Variants in COL17A1 observed in about 807,000 individuals in gnomAD.
The protein encoded by COL17A1 is collagen alpha-1(XVII) chain.
Under a neutral mutation model 218.4 loss-of-function variants are expected in COL17A1, and 181 were observed. The ratio of observed to expected loss-of-function variants is 0.83; its 90% confidence interval spans 0.73 to 0.94. COL17A1 has a LOEUF of 0.94. COL17A1 is among the 40% of genes least tolerant of loss of function. The pLI, the probability that COL17A1 is intolerant of heterozygous loss-of-function variation, is 0.00. For synonymous variants in COL17A1, 721 were observed against 731.0 expected (o/e 0.99, Z 0.22); for missense variants, 1,924 against 1,945.9 (o/e 0.99, Z 0.21).
rs374999066 is a variant in COL17A1, at chr10:104,037,067, T to C, written c.3255A>G (p.Glu1085=). The C allele has an allele frequency of 3.7e-6, 6 of 1,607,264 alleles. No homozygotes were observed. In the African/African-American group the frequency reaches 8.0e-5, roughly 21 times the overall value. Residue 1085 remains glutamate (E), a synonymous_variant, in exon 47 of 56, where the codon GAA becomes GAG. Transcript: ENST00000648076. Reference sequence around the variant, plus strand: ...CACGCTGCAGCACAGCCAGAATGTCTTCAGAAGAGATGGAGGACGAGAACA... The same window carrying C: ...CACGCTGCAGCACAGCCAGAATGTCCTCAGAAGAGATGGAGGACGAGAACA... ...VSLFSSSISS[E]DILAVLQRDD... is the part of the protein sequence containing the mutation.
chr10:104,072,373 C>G (rs952316537), intron 7 of COL17A1, among the ~76,000 whole-genome samples: 5 of 152,196 alleles, frequency 3.3e-5, no homozygotes, highest in African/African-American at 1.2e-4. Flanking sequence ...CAATCCTTTC[C>G]CCATCATCCA....
chr10:104,047,669 G>T, intron 31 of COL17A1, 70 bp downstream of exon 31: 2 of 1,272,302 alleles, frequency 1.6e-6, no homozygotes, highest in Non-Finnish European at 2.3e-6. Context: ...GCACACACAT[G>T]CCTACATCCA....
chr10:104,035,004 C>A (rs2086261237), intron 50 of COL17A1, among the ~76,000 whole-genome samples: 2 of 152,184 alleles, frequency 1.3e-5, no homozygotes, highest in Admixed American at 6.5e-5. Context: ...TTCAACTCAG[C>A]CCTCCAGTCA....
chr10:104,063,755 G>T lies in COL17A1; in HGVS notation c.830C>A (p.Ser277Tyr), dbSNP rs1156635502. 2 of 1,614,214 alleles carry T rather than the reference G, an allele frequency of 1.2e-6. No individual in the cohort carries two copies. The highest frequency in any genetic ancestry group is 1.7e-6 in the Non-Finnish European group (2 of 1,180,024). Reference sequence around the variant, plus strand: ...AAGATGGTGACACTGACCTGAGGAGGATGTGCTGAGTCCAGGGTGCAAAGT... The same window carrying T: ...AAGATGGTGACACTGACCTGAGGAGTATGTGCTGAGTCCAGGGTGCAAAGT... ...SPTLHPGLSTSSSVFGMQNNL... is the reference protein window; with the variant it reads ...SPTLHPGLSTYSSVFGMQNNL... The change falls in exon 11 of 56, where the codon TCC becomes TAC. Residue 277 changes from serine (S) to tyrosine (Y), a missense_variant. Ser to Tyr is a moderately radical substitution (Grantham distance 144, BLOSUM62 -2). Transcript: ENST00000648076.
At chr10:104,034,533 T>G in intron 51 of COL17A1, 88 bp downstream of exon 51, 3 of 1,549,512 alleles carry the variant, frequency 1.9e-6, no homozygotes, top group Non-Finnish European at 2.6e-6. Context: ...GTGGCCTTCC[T>G]GTCCCTTTAA....
rs746799295 is a variant in COL17A1 at position 104,059,768 on chromosome 10, A to G, written c.1142-50T>C. On this transcript the variant is annotated intron_variant, in intron 14 of 55. Coordinates refer to ENST00000648076, the MANE Select transcript of COL17A1 (RefSeq NM_000494.4). ...TGGCATATTCTCTTCTCAACCTCTC[A>G]ACTCTGTCCTGTGTTCCCCCCGCCC... 5 of 1,573,684 alleles carry G rather than the reference A, an allele frequency of 3.2e-6. No individual in the cohort carries two copies. In the East Asian group the frequency reaches 1.1e-4, roughly 35 times the overall value.
At chr10:104,061,352 G>A in intron 13 of COL17A1, 53 bp downstream of exon 13, 3 of 1,543,744 alleles carry the variant, frequency 1.9e-6, no homozygotes, top group South Asian at 1.1e-5. Context: ...TTACTGCAGA[G>A]TAATCCTCCC....
chr10:104,040,193 C>G (rs1002340093), intron 40 of COL17A1, among the ~76,000 whole-genome samples, 158 bp downstream of exon 40: 7 of 152,214 alleles, frequency 4.6e-5, no homozygotes, highest in Non-Finnish European at 8.8e-5. Flanking sequence ...GTGCCTCCCC[C>G]TCTACCTTTG....
chr10:104,052,668 G>T (rs1208458156), intron 23 of COL17A1, among the ~76,000 whole-genome samples: 1 of 152,060 alleles, frequency 6.6e-6, no homozygotes, highest in African/African-American at 2.4e-5. Context: ...GCTAGGAAAG[G>T]CTCAAAGGTC....
At chr10:104,056,099 G>A (rs2086522974) in intron 17 of COL17A1, 96 bp from the exon 18 acceptor site, 1 of 1,422,276 alleles carries the variant, frequency 7.0e-7, no homozygotes, top group African/African-American at 1.4e-5. Flanking sequence ...AGGGATTGGG[G>A]CCTGTGGTGG....
At position 104,036,578 on chromosome 10, in the gene COL17A1, G is replaced by C. The variant is rs1164755512; in HGVS notation, c.3332C>G (p.Pro1111Arg). 7.4e-6 allele frequency: 12 copies of C among 1,613,858 alleles called. No individual in the cohort carries two copies. Among genetic ancestry groups the C allele is most frequent in the Non-Finnish European group, 1.0e-5 (12 of 1,179,948 alleles). ...ATCTCCACTGGCTCCTGGTGGCCCT[G>C]GCGGACCCCGAGGGCCCATCAAGTA... ...RQYLMGPRGPPGPPGASGDGS... is the reference protein window; with the variant it reads ...RQYLMGPRGPRGPPGASGDGS... The change falls in exon 48 of 56, where the codon CCA (proline) becomes CGA (arginine). Residue 1111 changes from proline to arginine, a missense_variant. Physicochemically the swap from Pro to Arg is moderately radical, Grantham distance 103. Transcript: ENST00000648076.
At chr10:104,045,604 C>T (rs1156490957) in intron 33 of COL17A1, among the ~76,000 whole-genome samples, 154 bp downstream of exon 33, 1 of 152,110 alleles carries the variant, frequency 6.6e-6, no homozygotes, top group Admixed American at 6.5e-5. Flanking sequence ...GTTCACAAAT[C>T]CCTGGGCTCC....
intron 11 of COL17A1, 140 bp downstream of exon 11, chr10:104,063,607 G>T: frequency 7.4e-7 from 1 of 1,344,902 alleles, no homozygotes; most frequent in Non-Finnish European, 1.0e-6. Context: ...TGTGGTTGAA[G>T]GCAGGTTCTG....
chr10:104,042,130 C>G (rs1389391007), intron 36 of COL17A1, among the ~76,000 whole-genome samples: 1 of 152,164 alleles, frequency 6.6e-6, no homozygotes, highest in Non-Finnish European at 1.5e-5. Flanking sequence ...CAGCCGAGAA[C>G]CCACAGACGG....
intron 28 of COL17A1, among the ~76,000 whole-genome samples, 196 bp downstream of exon 28, chr10:104,049,893 G>A (rs2086450748): frequency 1.3e-5 from 2 of 152,072 alleles, no homozygotes; most frequent in Admixed American, 1.3e-4. Context: ...TTTACTGTTT[G>A]GACTATACAT....
Position 104,057,031 on chromosome 10 carries a change from C to A in COL17A1, c.1409G>T (p.Gly470Val). ...GAGTAGCAGCCAGGTGAGCAGCAGG[C>A]CCAGCAGCCACTTCCACCAGCTGCA... The part of the protein sequence containing the change: ...SCCSWWKWLL[G>V]LLLTWLLLLG... Residue 470 changes from glycine (G) to valine (V), a missense_variant, in exon 17 of 56, where the codon GGC becomes GTC. By Grantham distance (109) the Gly-to-Val change is moderately radical. Coordinates refer to ENST00000648076, the MANE Select transcript of COL17A1 (RefSeq NM_000494.4). The A allele has an allele frequency of 6.2e-7, 1 of 1,600,012 alleles. No individual in the cohort carries two copies. Among genetic ancestry groups the A allele is most frequent in the Non-Finnish European group, 8.5e-7 (1 of 1,173,718 alleles).
At chr10:104,040,507 T>C in intron 39 of COL17A1, 97 bp from the exon 40 acceptor site, 1 of 785,638 alleles carries the variant, frequency 1.3e-6, no homozygotes, top group African/African-American at 1.7e-5. Flanking sequence ...CAATCAATAC[T>C]TGTCAAATAG....
chr10:104,034,227 T>C lies in COL17A1; in HGVS notation c.3874A>G (p.Ser1292Gly). 1 of 1,612,144 alleles carries C rather than the reference T, an allele frequency of 6.2e-7. No homozygotes were observed. The highest frequency in any genetic ancestry group is 8.5e-7 in the Non-Finnish European group (1 of 1,179,780). The change falls in exon 52 of 56, where the codon AGC (serine) becomes GGC (glycine). Residue 1292 changes from serine to glycine, a missense_variant. Coordinates refer to ENST00000648076, the MANE Select transcript of COL17A1 (RefSeq NM_000494.4). ...LSTDASHSRG[S>G]SSSSHSSSVR... ...GATGAGCTGTGTGAGGAGGAGCTGC[T>C]ACCCCGACTGTGGGAGGCATCCGTG...
intron 46 of COL17A1, 39 bp from the exon 47 acceptor site, chr10:104,037,152 T>TA: frequency 6.4e-7 from 1 of 1,561,548 alleles, no homozygotes; most frequent in Non-Finnish European, 8.7e-7. Flanking sequence ...GCTTAGCAGG[T>TA]ACTGAAGCAA....
Sources: gnomAD v4.1 joint callset for allele counts (sites outside exome capture counted in the v4.1 genomes callset) on GRCh38, gnomAD v4.1.1 for gene constraint, MANE v1.5 for transcripts, NCBI Gene and HGNC (gene_info 2026-07-23, HGNC 2026-07-21) for gene names.